Variants in RBFOX1 observed in about 807,000 individuals in gnomAD.
RBFOX1 encodes RNA binding protein fox-1 homolog 1.
RBFOX1 carries 8 observed loss-of-function variants against 57.7 expected under a neutral mutation model. That is an observed-to-expected ratio of 0.14 (90% CI 0.08 to 0.25). The LOEUF (loss-of-function observed/expected upper bound fraction) is 0.25, where lower values mean the gene tolerates loss of function less well. Among genes scored for constraint, RBFOX1 ranks in the 10% least tolerant of loss-of-function variants. RBFOX1 has a pLI of 1.00. For synonymous variants in RBFOX1, 326 were observed against 222.4 expected (o/e 1.47, Z -4.15); for missense variants, 611 against 548.5 (o/e 1.11, Z -1.14).
intron 4 of RBFOX1, among the ~76,000 whole-genome samples, chr16:5,910,685 A>G (rs2058582353): frequency 6.6e-6 from 1 of 152,174 alleles, no homozygotes; most frequent in Non-Finnish European, 1.5e-5. Flanking sequence ...CTCTCCATCA[A>G]TGCCCCACTT....
chr16:6,339,909 C>T (rs950473359), intron 2 of RBFOX1, among the ~76,000 whole-genome samples: 2 of 151,998 alleles, frequency 1.3e-5, no homozygotes, highest in East Asian at 3.9e-4. Context: ...GAACTCCAGA[C>T]CTCATGATCC....
At position 7,262,591 on chromosome 16, in the gene RBFOX1, A is replaced by C. The variant is rs186786548; in HGVS notation, c.27+210493A>C. Among the ~76,000 whole-genome samples, 746 of 152,342 alleles carry C rather than the reference A, an allele frequency of 4.9e-3. 1 individual carries two copies. Among genetic ancestry groups the C allele is most frequent in the Non-Finnish European group, 8.7e-3 (592 of 68,032 alleles). On this transcript the variant is annotated intron_variant, in intron 4 of 15. Transcript: ENST00000550418. ...GCTCCTCATTCTGGGTCCAGCTTTG[A>C]TTCCCTGTGGCTGCTGCAGTCTCTG...
At chr16:6,890,356 T>C (rs948062850) in intron 3 of RBFOX1, among the ~76,000 whole-genome samples, 1 of 152,076 alleles carries the variant, frequency 6.6e-6, no homozygotes, top group Non-Finnish European at 1.5e-5. Context: ...CCGTCTCTAC[T>C]AAAAATACGA....
chr16:7,248,818 T>A (rs2094407103), intron 4 of RBFOX1, among the ~76,000 whole-genome samples: 1 of 152,202 alleles, frequency 6.6e-6, no homozygotes, highest in African/African-American at 2.4e-5. Context: ...CAGTTGCCTT[T>A]TTGAGTAATC....
At chr16:5,403,060 C>G (rs537746838) in intron 1 of RBFOX1, among the ~76,000 whole-genome samples, 2 of 152,082 alleles carry the variant, frequency 1.3e-5, no homozygotes, top group African/African-American at 4.8e-5. Context: ...GTCATAAAAC[C>G]CTTACTACGG....
At chr16:6,033,632 A>G (rs1210600471) in intron 1 of RBFOX1, among the ~76,000 whole-genome samples, 2 of 152,096 alleles carry the variant, frequency 1.3e-5, no homozygotes, top group Non-Finnish European at 2.9e-5. Context: ...TTTCTGCTCC[A>G]CCTTTGTTAA....
chr16:6,282,984 C>T (rs925449968), intron 1 of RBFOX1, among the ~76,000 whole-genome samples: 3 of 152,192 alleles, frequency 2.0e-5, no homozygotes, highest in African/African-American at 7.2e-5. Context: ...ACCATTGTCA[C>T]CCTGTTGCAA....
intron 3 of RBFOX1, among the ~76,000 whole-genome samples, chr16:5,699,783 A>G (rs963566607): frequency 1.3e-5 from 2 of 152,212 alleles, no homozygotes; most frequent in African/African-American, 4.8e-5. Flanking sequence ...ATCCTTCATG[A>G]TAAGATGGCA....
chr16:6,631,528 A>C (rs1183162520), intron 2 of RBFOX1, among the ~76,000 whole-genome samples: 2 of 152,058 alleles, frequency 1.3e-5, no homozygotes, highest in African/African-American at 4.8e-5. Context: ...TATTAAGTGG[A>C]GGTTTTGTTC....
intron 1 of RBFOX1, among the ~76,000 whole-genome samples, chr16:5,344,018 C>T (rs1380334009): frequency 1.3e-5 from 2 of 152,294 alleles, no homozygotes; most frequent in Non-Finnish European, 2.9e-5. Flanking sequence ...TCTGCTTATG[C>T]CTCTTATGCT....
intron 1 of RBFOX1, among the ~76,000 whole-genome samples, chr16:5,251,163 G>A (rs1222197898): frequency 6.6e-6 from 1 of 152,176 alleles, no homozygotes; most frequent in African/African-American, 2.4e-5. Context: ...TCTGGCTTCC[G>A]AGCTCTGGCA....
At chr16:6,479,876 C>T (rs2095344354) in intron 2 of RBFOX1, among the ~76,000 whole-genome samples, 3 of 151,756 alleles carry the variant, frequency 2.0e-5, no homozygotes, top group Admixed American at 1.3e-4. Context: ...ATGGTGAAAC[C>T]CCATCTCTAC....
chr16:6,403,454 C>G (rs2093157341), intron 2 of RBFOX1, among the ~76,000 whole-genome samples: 1 of 152,116 alleles, frequency 6.6e-6, no homozygotes, highest in Non-Finnish European at 1.5e-5. Flanking sequence ...GCCTGGACCA[C>G]CGGAGCTCAG....
At chr16:6,479,853 C>T (rs1433181877) in intron 2 of RBFOX1, among the ~76,000 whole-genome samples, 1 of 151,896 alleles carries the variant, frequency 6.6e-6, no homozygotes, top group Admixed American at 6.6e-5. Flanking sequence ...AGCTTGAGAC[C>T]AGCCTGACCA....
At chr16:5,310,419 C>G (rs1018859720) in intron 1 of RBFOX1, among the ~76,000 whole-genome samples, 14 of 151,864 alleles carry the variant, frequency 9.2e-5, no homozygotes, top group Admixed American at 3.9e-4. Flanking sequence ...AAAGTATGGA[C>G]TTTGGAATTA....
intron 3 of RBFOX1, among the ~76,000 whole-genome samples, chr16:5,757,337 T>A (rs558093948): frequency 6.6e-6 from 1 of 151,868 alleles, no homozygotes; most frequent in Non-Finnish European, 1.5e-5. Context: ...GTTCAAGTGA[T>A]TCTCCTGCCT....
At chr16:5,445,404 G>A (rs2068211877) in intron 1 of RBFOX1, among the ~76,000 whole-genome samples, 1 of 152,046 alleles carries the variant, frequency 6.6e-6, no homozygotes. Context: ...GCTCCCTAAG[G>A]GTGGGGATCA....
intron 1 of RBFOX1, among the ~76,000 whole-genome samples, chr16:5,381,164 C>G (rs756239006): frequency 2.6e-5 from 4 of 152,076 alleles, no homozygotes; most frequent in African/African-American, 9.7e-5. Context: ...GGGGTCCTGG[C>G]TCTTTGTATT....
chr16:7,334,438 G>C (rs1015422482), intron 4 of RBFOX1, among the ~76,000 whole-genome samples: 1 of 152,204 alleles, frequency 6.6e-6, no homozygotes, highest in South Asian at 2.1e-4. Context: ...TGGAAACGTG[G>C]GGTGAAGGTC....
Sources: gnomAD v4.1 joint callset for allele counts (sites outside exome capture counted in the v4.1 genomes callset) on GRCh38, gnomAD v4.1.1 for gene constraint, MANE v1.5 for transcripts, NCBI Gene and HGNC (gene_info 2026-07-23, HGNC 2026-07-21) for gene names.